The following CHTF18 variants were observed in gnomAD, a reference collection of about 807,000 sequenced individuals.
CHTF18 encodes the protein chromosome transmission fidelity protein 18 homolog.
Under a neutral mutation model 113.4 loss-of-function variants are expected in CHTF18, and 151 were observed. The ratio of observed to expected loss-of-function variants is 1.33; its 90% CI spans 1.17 to 1.52. The LOEUF is 1.52. Ranked by LOEUF, CHTF18 falls within the 40% of genes most tolerant of loss-of-function variation. The pLI, the probability that CHTF18 is intolerant of heterozygous loss-of-function variation, is 0.00. For synonymous variants in CHTF18, 916 were observed against 598.8 expected (o/e 1.53, Z -7.74); for missense variants, 1,982 against 1,381.6 (o/e 1.43, Z -6.89).
rs773333415 is a variant in CHTF18 at position 793,131 on chromosome 16, G to A, written c.1672-13G>A. On this transcript the variant is annotated splice_polypyrimidine_tract_variant and intron_variant, in intron 13 of 21. Coordinates refer to ENST00000262315, the MANE Select transcript of CHTF18 (RefSeq NM_022092.3). ...GGAGTTGGCCGCTTCTCATGCCCCCGCCCTATGTCTAGTTCCTGTACAGCC... is the reference window on the plus strand; with the variant it reads ...GGAGTTGGCCGCTTCTCATGCCCCCACCCTATGTCTAGTTCCTGTACAGCC... 7.5e-6 allele frequency: 12 copies of A among 1,589,732 alleles called. No individual in the cohort carries two copies. Among genetic ancestry groups the A allele is most frequent in the Middle Eastern group, 1.9e-4 (1 of 5,150 alleles).
In CHTF18 at chr16:790,664, G is replaced by A; in HGVS notation, c.892G>A (p.Asp298Asn). Residue 298 changes from aspartate to asparagine, a missense_variant and splice_region_variant, in exon 7 of 22, where the codon GAC becomes AAC. Coordinates refer to ENST00000262315, the MANE Select transcript of CHTF18 (RefSeq NM_022092.3). ...PRHYTELLSDDFTNRCLLKWL... is the reference protein window; with the variant it reads ...PRHYTELLSDNFTNRCLLKWL... ...CCACTACACGGAGCTGCTCAGTGAT[G>A]ACGTGAGGTCTTGTTCTCACTCAAG... 6.4e-7 allele frequency: 1 copy of A among 1,562,498 alleles called. No homozygotes were observed.
Position 796,965 on chromosome 16 carries a change from A to C in CHTF18, c.2606A>C (p.Asp869Ala), listed in dbSNP as rs976320160. The change falls in exon 20 of 22, where the codon GAT becomes GCT. Residue 869 changes from aspartate (D) to alanine (A), a missense_variant. Physicochemically the swap from Asp to Ala is moderately radical, Grantham distance 126. Transcript: ENST00000262315. The stretch of plus-strand genomic sequence containing the variant: ...CACAATGCCTGCTCCCTACAGGTGG[A>C]TGGGAGCCCCCCAGGGCTCGAGGGT... ...SARVENSPQV[D>A]GSPPGLEGLL... is the part of the protein sequence containing the mutation. 1 of 1,524,886 alleles carries C rather than the reference A, an allele frequency of 6.6e-7. No homozygotes were observed. The highest frequency in any genetic ancestry group is 1.4e-5 in the African/African-American group (1 of 71,918). 94.5% of individuals were successfully genotyped at this position (1,524,886 alleles called of 1,614,324 possible).
chr16:791,647 C>T (rs992914805), intron 8 of CHTF18: 97 of 1,429,092 alleles, frequency 6.8e-5, no homozygotes, highest in African/African-American at 1.6e-4. Context: ...TGTGTTTTGT[C>T]TGCACGAACT....
chr16:788,955 G>C lies in CHTF18; in HGVS notation c.116G>C (p.Gly39Ala). The change falls in exon 2 of 22, where the codon GGG (glycine) becomes GCG (alanine). Residue 39 changes from glycine to alanine, a missense_variant. Gly to Ala is a moderately conservative substitution (Grantham distance 60). Transcript: ENST00000262315. Reference sequence around the variant, plus strand: ...GGGGCGTCGACTCCGTCGCCCTCCGGGGTCCCCCTGTTCACCGCGGGCCGA... The same window carrying C: ...GGGGCGTCGACTCCGTCGCCCTCCGCGGTCCCCCTGTTCACCGCGGGCCGA... ...LEGASTPSPS[G>A]VPLFTAGRPP... 6.4e-7 allele frequency: 1 copy of C among 1,565,942 alleles called. No individual in the cohort carries two copies. The highest frequency in any genetic ancestry group is 8.6e-7 in the Non-Finnish European group (1 of 1,164,206).
rs188666865 is a variant in CHTF18, at chr16:791,157, G to C, written c.895-4G>C. On this transcript the variant is annotated splice_region_variant and splice_polypyrimidine_tract_variant and intron_variant, in intron 7 of 21. Transcript: ENST00000262315. ...CTGTGCTTCCCTTCCCGTCCTTCCC[G>C]CAGTTCACCAACCGCTGCCTGCTCA... is the stretch of plus-strand genomic sequence containing the variant. The C allele has an allele frequency of 3.1e-6, 5 of 1,607,974 alleles. No individual in the cohort carries two copies. The South Asian group carries it at 5.5e-5, about 18-fold the overall frequency.
In CHTF18 at chr16:788,675, C is replaced by G. The variant is rs374388528; in HGVS notation, c.-10C>G. On this transcript the variant is annotated 5_prime_UTR_variant, in exon 1 of 22. Coordinates refer to ENST00000262315, the MANE Select transcript of CHTF18 (RefSeq NM_022092.3). The stretch of plus-strand genomic sequence containing the variant: ...GAGGTTCGGAGCGGGAGCTCGGGCT[C>G]GCGGACGGTATGGAGGACTACGAGC... 1 of 1,532,242 alleles carries G rather than the reference C, an allele frequency of 6.5e-7. No individual in the cohort carries two copies. The highest frequency in any genetic ancestry group is 1.2e-5 in the South Asian group (1 of 82,364). 94.9% of individuals were successfully genotyped at this position (1,532,242 alleles called of 1,614,324 possible). A position where few individuals can be genotyped will look rare whatever the true frequency, so the allele number is the denominator to read the frequency against.
At position 791,957 on chromosome 16, in the gene CHTF18, T is replaced by C. The variant is rs752807016; in HGVS notation, c.1202+9T>C. 87 of 1,602,842 alleles carry C rather than the reference T, an allele frequency of 5.4e-5. No individual in the cohort carries two copies. Among genetic ancestry groups the C allele is most frequent in the Non-Finnish European group, 6.9e-5 (81 of 1,175,454 alleles). On this transcript the variant is annotated intron_variant, in intron 9 of 21. Coordinates refer to ENST00000262315, the MANE Select transcript of CHTF18 (RefSeq NM_022092.3). ...GTGGAGATGAACGCCAGGTGAGTGA[T>C]GTGAGGTCCGTCTCTGGCTCGCCTT...
intron 4 of CHTF18, chr16:789,955 C>G (rs770329930): frequency 7.1e-5 from 109 of 1,531,752 alleles, no homozygotes; most frequent in Admixed American, 2.2e-4. Context: ...TCCCCTCCTG[C>G]TTTTGCCCTT....
rs1180120653 is a variant in CHTF18 at position 792,828 on chromosome 16, G to A, written c.1572+17G>A. 3 of 1,538,584 alleles carry A rather than the reference G, an allele frequency of 1.9e-6. No homozygotes were observed. Among genetic ancestry groups the A allele is most frequent in the Admixed American group, 2.0e-5 (1 of 50,988 alleles). On this transcript the variant is annotated intron_variant, in intron 12 of 21. Coordinates refer to ENST00000262315, the MANE Select transcript of CHTF18 (RefSeq NM_022092.3). ...CTCCAGGAGGTCGGTGGAGCCCCAG[G>A]AGCCGTGTGGCTGATGGCGGGGTTG... is the stretch of plus-strand genomic sequence containing the variant.
chr16:794,320 G>A (rs2042280326), intron 15 of CHTF18, 119 bp downstream of exon 15: 1 of 1,210,658 alleles, frequency 8.3e-7, no homozygotes, highest in Non-Finnish European at 1.1e-6. Flanking sequence ...GCTGAGAGAG[G>A]CAGGTTCGGG....
At position 789,114 on chromosome 16, in the gene CHTF18, C is replaced by T; in HGVS notation, c.275C>T (p.Ser92Phe). The T allele has an allele frequency of 1.3e-6, 2 of 1,537,350 alleles. No individual in the cohort carries two copies. Among genetic ancestry groups the T allele is most frequent in the South Asian group, 1.2e-5 (1 of 83,036 alleles). The change falls in exon 2 of 22, where the codon TCC becomes TTC. Residue 92 changes from serine to phenylalanine, a missense_variant. Coordinates refer to ENST00000262315, the MANE Select transcript of CHTF18 (RefSeq NM_022092.3). ...GACGCCGACCTGCAGCCGGCCGGGT[C>T]CCTGCCCCACGGTAGGTTGGCGGCA... ...QVDADLQPAG[S>F]LPHAPRIKRP...
intron 20 of CHTF18, 150 bp from the exon 21 acceptor site, chr16:797,544 G>T (rs2042387145): frequency 1.1e-5 from 8 of 735,812 alleles, no homozygotes; most frequent in Admixed American, 2.5e-5. Flanking sequence ...AGTGAGGGGT[G>T]AGGGGCAGCT....
chr16:791,540 C>G (rs147815583), intron 8 of CHTF18, 170 bp downstream of exon 8: 17,093 of 1,434,956 alleles, frequency 0.012, 133 homozygotes, highest in Middle Eastern at 0.021. Flanking sequence ...AGTAACAACT[C>G]GGGGGAAGTC....
At chr16:795,874 G>C in intron 17 of CHTF18, 40 bp downstream of exon 17, 1 of 1,606,452 alleles carries the variant, frequency 6.2e-7, no homozygotes, top group African/African-American at 1.3e-5. Context: ...CCCGCCTGCT[G>C]CCCTCCTGTC....
In CHTF18 at chr16:791,958, G is replaced by C. The variant is rs181010716; in HGVS notation, c.1202+10G>C. On this transcript the variant is annotated intron_variant, in intron 9 of 21. Coordinates refer to ENST00000262315, the MANE Select transcript of CHTF18 (RefSeq NM_022092.3). ...TGGAGATGAACGCCAGGTGAGTGATGTGAGGTCCGTCTCTGGCTCGCCTTC... is the reference window on the plus strand; with the variant it reads ...TGGAGATGAACGCCAGGTGAGTGATCTGAGGTCCGTCTCTGGCTCGCCTTC... 1.6e-5 allele frequency: 25 copies of C among 1,602,116 alleles called. No individual in the cohort carries two copies. Among genetic ancestry groups the C allele is most frequent in the Non-Finnish European group, 2.1e-5 (25 of 1,175,008 alleles).
chr16:792,522 A>T lies in CHTF18; in HGVS notation c.1410A>T (p.Gly470=). 1 of 1,593,072 alleles carries T rather than the reference A, an allele frequency of 6.3e-7. No homozygotes were observed. The highest frequency in any genetic ancestry group is 1.9e-5 in the Admixed American group (1 of 53,958). Reference sequence around the variant, plus strand: ...CACAGGGCCCGGCTGTGCCTTCGGGAGGCGGCCGACGGCGCCGGGCAGAGG... The same window carrying T: ...CACAGGGCCCGGCTGTGCCTTCGGGTGGCGGCCGACGGCGCCGGGCAGAGG... ...VGPQGPAVPS[G]GGRRRRAEGG... The change falls in exon 11 of 22, where the codon GGA becomes GGT. Residue 470 remains glycine (G), a synonymous_variant. Coordinates refer to ENST00000262315, the MANE Select transcript of CHTF18 (RefSeq NM_022092.3).
chr16:796,316 T>C (rs1045368004), intron 18 of CHTF18, among the ~76,000 whole-genome samples: 1 of 152,146 alleles, frequency 6.6e-6, no homozygotes, highest in South Asian at 2.1e-4. Flanking sequence ...CACCCCCACA[T>C]GGAACTGGAG....
Position 797,797 on chromosome 16 carries a change from G to T in CHTF18, c.2792-42G>T, listed in dbSNP as rs1177989803. 9.5e-6 allele frequency: 15 copies of T among 1,585,740 alleles called. No individual in the cohort carries two copies. In the Middle Eastern group the frequency reaches 6.7e-4, roughly 71 times the overall value. ...GGGTTGTGGGGGGCCTGGGGGTTGT[G>T]GGGGGGCCTTACAGCTGAGGAGCAA... On this transcript the variant is annotated intron_variant, in intron 21 of 21. Transcript: ENST00000262315.
rs199880493 is a variant in CHTF18 at position 797,744 on chromosome 16, G to A, written c.2784G>A (p.Pro928=). 2.1e-4 allele frequency: 345 copies of A among 1,609,738 alleles called. 1 individual carries two copies. The Middle Eastern group carries it at 3.5e-3, about 16-fold the overall frequency. ...TGGTCGTCAGGAGCACAGCAGTCCC[G>A]AGTGCAGGTGTGTGTGGGGGTGTTG... ...GRVVVRSTAV[P]SAGDTAPEQD... The change falls in exon 21 of 22, where the codon CCG becomes CCA. Residue 928 remains proline, a synonymous_variant. Transcript: ENST00000262315.
Sources: allele counts gnomAD v4.1 joint callset (sites outside exome capture counted in the v4.1 genomes callset), GRCh38; gene constraint gnomAD v4.1.1; transcripts MANE v1.5; gene names NCBI Gene and HGNC (gene_info 2026-07-23, HGNC 2026-07-21).